Variants in FHL1 observed in about 807,000 individuals in gnomAD.
FHL1 encodes the protein four and a half LIM domains 1.
A neutral mutation model predicts 20.3 loss-of-function variants in FHL1; 1 was observed. The ratio of observed to expected loss-of-function variants is 0.05; its 90% CI spans 0.02 to 0.23. FHL1 has a LOEUF of 0.23. Among genes scored for constraint, FHL1 ranks in the 10% least tolerant of loss-of-function variants. FHL1 has a pLI of 1.00. For missense variants in FHL1, 177 were observed against 234.0 expected (o/e 0.76, Z 1.59); for synonymous variants, 82 against 88.9 (o/e 0.92, Z 0.44).
Position 136,207,797 on chromosome X carries a change from C to G in FHL1, c.385C>G (p.Gln129Glu). 1 of 1,211,625 alleles carries G rather than the reference C, an allele frequency of 8.3e-7. No homozygotes were observed. Among genetic ancestry groups the G allele is most frequent in the Non-Finnish European group, 1.1e-6 (1 of 895,420 alleles). ...CCAATTGCTTCCCTCTGCAGGAGAT[C>G]AAAACGTGGAGTACAAGGGGACCGT... ...GCFKAIVAGD[Q>E]NVEYKGTVWH... Residue 129 changes from glutamine (Q) to glutamate (E), a missense_variant, in exon 4 of 6, where the codon CAA becomes GAA. Coordinates refer to ENST00000370683, the MANE Select transcript of FHL1 (RefSeq NM_001159699.2).
In FHL1 at chrX:136,211,202, C is replaced by T. The variant is rs1802951; in HGVS notation, c.*1177C>T. On this transcript the variant is annotated 3_prime_UTR_variant, in exon 6 of 6. Coordinates refer to ENST00000370683, the MANE Select transcript of FHL1 (RefSeq NM_001159699.2). ...TATTATATGACATAGTATAATGAGA[C>T]AATATCAAAAGTAAACATGTAATGA... 2.8e-6 allele frequency: 1 copy of T among 361,703 alleles called. No homozygotes were observed. Among genetic ancestry groups the T allele is most frequent in the African/African-American group, 2.5e-5 (1 of 39,314 alleles). The allele number at this position is 361,703 out of a possible 1,213,427, so 29.8% of individuals were successfully genotyped here.
upstream of FHL1, among the ~76,000 whole-genome samples, chrX:136,166,694 A>G (rs972281957): frequency 3.6e-5 from 4 of 112,373 alleles, no homozygotes; most frequent in African/African-American, 9.7e-5. Context: ...ATGAAATATG[A>G]TAAGACTAGT....
upstream of FHL1, among the ~76,000 whole-genome samples, chrX:136,166,498 C>G (rs979987783): frequency 8.9e-5 from 10 of 111,856 alleles, no homozygotes; most frequent in Admixed American, 3.8e-4. Flanking sequence ...CCCACCACCC[C>G]CTCCAAGCCG....
chrX:136,169,701 C>T, exon 1 of FHL1: 1 of 315,901 alleles, frequency 3.2e-6, no homozygotes, highest in South Asian at 2.8e-5. Context: ...ACTGCCAGTG[C>T]TCATGTTATA....
At position 136,206,388 on chromosome X, in the gene FHL1, T is replaced by C; in HGVS notation, c.23-19T>C. 2 of 1,211,561 alleles carry C rather than the reference T, an allele frequency of 1.7e-6. No homozygotes were observed. The highest frequency in any genetic ancestry group is 2.2e-6 in the Non-Finnish European group (2 of 895,359). On this transcript the variant is annotated intron_variant, in intron 1 of 5. Coordinates refer to ENST00000370683, the MANE Select transcript of FHL1 (RefSeq NM_001159699.2). ...GGGCATTTCCTGTGGTCATTTGTCC[T>C]GTCTGCTTGCCCCCGCAGGTCCCTC...
At chrX:136,162,449 C>G (rs1408963873) in intron 1 of FHL1, among the ~76,000 whole-genome samples, 1 of 111,995 alleles carries the variant, frequency 8.9e-6, no homozygotes, top group Non-Finnish European at 1.9e-5. Flanking sequence ...AGTTCCAGAC[C>G]AGCCTGGGCA....
chrX:136,190,785 C>T (rs999919475), intron 2 of FHL1, among the ~76,000 whole-genome samples: 5 of 111,920 alleles, frequency 4.5e-5, no homozygotes, highest in East Asian at 5.6e-4. Flanking sequence ...ATAGTGCCTT[C>T]GGAGTCCAGA....
intron 5 of FHL1, chrX:136,209,334 T>G: frequency 2.5e-6 from 3 of 1,211,046 alleles, no homozygotes. Context: ...TCACCCTGTT[T>G]CCCAGCGCCA....
intron 2 of FHL1, among the ~76,000 whole-genome samples, chrX:136,172,841 T>C (rs1437861444): frequency 8.9e-6 from 1 of 112,384 alleles, no homozygotes; most frequent in African/African-American, 3.2e-5. Flanking sequence ...CAAGCGATTC[T>C]CCTGCCTCAG....
chrX:136,149,475 T>C (rs930483707), intron 1 of FHL1, among the ~76,000 whole-genome samples: 2 of 112,496 alleles, frequency 1.8e-5, no homozygotes, highest in African/African-American at 3.2e-5. Flanking sequence ...AGGGCAAATA[T>C]AATCTTTATG....
At chrX:136,189,280 C>T (rs1440471754) in intron 2 of FHL1, among the ~76,000 whole-genome samples, 1 of 111,314 alleles carries the variant, frequency 9.0e-6, no homozygotes, top group Non-Finnish European at 1.9e-5. Flanking sequence ...TTTGTTCTCC[C>T]CAGGTCTCCA....
chrX:136,211,008 T>A lies in FHL1; in HGVS notation c.*983T>A, dbSNP rs1436018407. On this transcript the variant is annotated 3_prime_UTR_variant, in exon 6 of 6. Coordinates refer to ENST00000370683, the MANE Select transcript of FHL1 (RefSeq NM_001159699.2). ...GGATATGACATTTCACAACAGTGAC[T>A]AGTTGAATCCCTTGTAACGTAGTAG... The A allele has an allele frequency of 2.7e-6, 1 of 374,481 alleles. No individual in the cohort carries two copies. Among genetic ancestry groups the A allele is most frequent in the East Asian group, 5.8e-5 (1 of 17,286 alleles). 30.9% of individuals were successfully genotyped at this position (374,481 alleles called of 1,213,427 possible). A position where few individuals can be genotyped will look rare whatever the true frequency, so the allele number is the denominator to read the frequency against.
At chrX:136,179,571 T>C (rs1013696708) in intron 2 of FHL1, among the ~76,000 whole-genome samples, 2 of 112,422 alleles carry the variant, frequency 1.8e-5, no homozygotes, top group African/African-American at 6.5e-5. Context: ...AGAAGCCTGA[T>C]GTTTCCTCTT....
At chrX:136,152,194 A>G (rs1169956007) in intron 1 of FHL1, among the ~76,000 whole-genome samples, 1 of 112,065 alleles carries the variant, frequency 8.9e-6, no homozygotes, top group Non-Finnish European at 1.9e-5. Context: ...AATTAAATAT[A>G]TACTCATTGT....
chrX:136,147,698 G>C (rs1787974841), intron 1 of FHL1: 2 of 108,671 alleles, frequency 1.8e-5, no homozygotes, highest in African/African-American at 6.7e-5. Flanking sequence ...GGGTCCCGGG[G>C]GAGCGGCTGC....
At chrX:136,205,848 G>T (rs940921916) in intron 1 of FHL1, among the ~76,000 whole-genome samples, 4 of 111,408 alleles carry the variant, frequency 3.6e-5, no homozygotes, top group African/African-American at 1.3e-4. Flanking sequence ...GGGCAGAGAG[G>T]CTTCTTGATG....
intron 2 of FHL1, among the ~76,000 whole-genome samples, chrX:136,172,440 A>G (rs1181366062): frequency 3.6e-5 from 4 of 112,318 alleles, no homozygotes; most frequent in African/African-American, 1.3e-4. Context: ...GCTTTTCTCA[A>G]TTACATTGCC....
chrX:136,201,559 G>A (rs2073709703), intron 1 of FHL1, among the ~76,000 whole-genome samples: 1 of 111,435 alleles, frequency 9.0e-6, no homozygotes. Flanking sequence ...ACGTGGCTGA[G>A]CATCAGTTTC....
upstream of FHL1, among the ~76,000 whole-genome samples, chrX:136,193,298 T>C (rs775312740): frequency 3.6e-5 from 4 of 111,851 alleles, no homozygotes; most frequent in Middle Eastern, 4.6e-3. Context: ...AGTCCTGAAA[T>C]GTGGGCTAAG....
Sources: allele counts gnomAD v4.1 joint callset (sites outside exome capture counted in the v4.1 genomes callset), GRCh38; gene constraint gnomAD v4.1.1; transcripts MANE v1.5; gene names NCBI Gene and HGNC (gene_info 2026-07-23, HGNC 2026-07-21).